Variants in TBCK observed in about 807,000 individuals in gnomAD.
TBCK encodes TBC domain-containing protein kinase-like protein.
Under a neutral mutation model 113.4 loss-of-function variants are expected in TBCK, and 99 were observed. The ratio of observed to expected loss-of-function variants is 0.87; its 90% CI spans 0.74 to 1.03. TBCK has a LOEUF of 1.03. TBCK is among the 50% of genes least tolerant of loss of function. The pLI, the probability that TBCK is intolerant of heterozygous loss-of-function variation, is 0.00. For synonymous variants in TBCK, 369 were observed against 370.8 expected (o/e 1.00, Z 0.05); for missense variants, 1,045 against 1,061.3 (o/e 0.98, Z 0.21).
chr4:106,172,084 G>A (rs977064201), intron 22 of TBCK, among the ~76,000 whole-genome samples: 5 of 152,078 alleles, frequency 3.3e-5, no homozygotes, highest in Non-Finnish European at 5.9e-5. Flanking sequence ...CACCTGCCTC[G>A]GCCTCCCAAA....
chr4:106,180,334 T>C lies in TBCK; in HGVS notation c.2060-9064A>G, dbSNP rs545961813. Among the ~76,000 whole-genome samples the C allele has an allele frequency of 2.3e-3, 353 of 152,212 alleles. 1 individual carries two copies. The highest frequency in any genetic ancestry group is 8.1e-3 in the African/African-American group (338 of 41,558). Reference sequence around the variant, plus strand: ...GACACTTTCTTCCTTTTATCCTCTCTTAAAGTCTTCCTTTGTGGTTAGGTG... The same window carrying C: ...GACACTTTCTTCCTTTTATCCTCTCCTAAAGTCTTCCTTTGTGGTTAGGTG... On this transcript the variant is annotated intron_variant, in intron 22 of 25. Transcript: ENST00000394708.
Position 106,212,704 on chromosome 4 carries a change from CT to C in TBCK, c.1860+45del, listed in dbSNP as rs368657242. The C allele has an allele frequency of 0.1, 94,714 of 951,172 alleles. 115 individuals carry two copies. Among genetic ancestry groups the C allele is most frequent in the South Asian group, 0.14 (7,366 of 51,546 alleles). The allele number at this position is 951,172 out of a possible 1,614,324, so 58.9% of individuals were successfully genotyped here. On this transcript the variant is annotated intron_variant, in intron 20 of 25. Transcript: ENST00000394708. ...CACTCTTCTGTGCTAATAATTTCTG[CT>C]TTTTTTTTTTAACCACATGTTCTAT...
intron 2 of TBCK, among the ~76,000 whole-genome samples, chr4:106,304,521 A>C (rs72878548): frequency 0.027 from 4,098 of 152,316 alleles, 179 homozygotes; most frequent in African/African-American, 0.094. Context: ...CTGCCTCATT[A>C]TAAAAATAAT....
At chr4:106,124,232 C>T (rs1290292784) in intron 23 of TBCK, among the ~76,000 whole-genome samples, 2 of 152,094 alleles carry the variant, frequency 1.3e-5, no homozygotes, top group Admixed American at 1.3e-4. Flanking sequence ...TTTATGCAGC[C>T]AAAAAACACA....
intron 15 of TBCK, 72 bp from the exon 16 acceptor site, chr4:106,233,722 T>C (rs1759139444): frequency 8.1e-7 from 1 of 1,240,740 alleles, no homozygotes; most frequent in East Asian, 2.6e-5. Context: ...AGAAATCTAT[T>C]TTTTACAAAT....
chr4:106,171,119 A>G lies in TBCK; in HGVS notation c.2211T>C (p.Cys737=). 6.2e-7 allele frequency: 1 copy of G among 1,610,730 alleles called. No homozygotes were observed. Among genetic ancestry groups the G allele is most frequent in the South Asian group, 1.1e-5 (1 of 90,542 alleles). The stretch of plus-strand genomic sequence containing the variant: ...CCAGATCTGTCTTTGGAGGATCTGG[A>G]CACTCAGCAGAGAAATAAGGTGCCG... ...RSSAPYFSAE[C]PDPPKTDLSR... The change falls in exon 23 of 26, where the codon TGT becomes TGC. Residue 737 remains cysteine, a synonymous_variant. Coordinates refer to ENST00000394708, the MANE Select transcript of TBCK (RefSeq NM_001163435.3).
chr4:106,226,206 A>G (rs945276987), intron 19 of TBCK, among the ~76,000 whole-genome samples: 2 of 152,162 alleles, frequency 1.3e-5, no homozygotes, highest in African/African-American at 4.8e-5. Context: ...AAGTGTGGAA[A>G]TTTGTCTTTT....
Position 106,145,884 on chromosome 4 carries a change from A to T in TBCK, c.2235+25211T>A, listed in dbSNP as rs368643491. Reference sequence around the variant, plus strand: ...CCAGTCAGAATGGCGATTACTAAAAAGTCAAAAAAACAGATGCTGGCAAGG... The same window carrying T: ...CCAGTCAGAATGGCGATTACTAAAATGTCAAAAAAACAGATGCTGGCAAGG... On this transcript the variant is annotated intron_variant, in intron 23 of 25. Transcript: ENST00000394708. 2.0e-5 allele frequency among the ~76,000 whole-genome samples: 3 copies of T among 152,190 alleles called. No individual in the cohort carries two copies. In the East Asian group the frequency reaches 5.8e-4, roughly 29 times the overall value.
At chr4:106,067,762 T>C (rs1056500997) in intron 25 of TBCK, among the ~76,000 whole-genome samples, 1 of 152,190 alleles carries the variant, frequency 6.6e-6, no homozygotes, top group Non-Finnish European at 1.5e-5. Context: ...CTTTTCTCAC[T>C]AAATGGTCTT....
chr4:106,116,338 A>G lies in TBCK; in HGVS notation c.2276T>C (p.Val759Ala). Residue 759 changes from valine to alanine, a missense_variant, in exon 24 of 26, where the codon GTA becomes GCA. By Grantham distance (64) the Val-to-Ala change is moderately conservative. Transcript: ENST00000394708. ...SIPLNDLKSE[V>A]SPRISAEDLI... ...GTCCTCTGCTGAAATCCGTGGTGATACTTCTGACTTCAGGTCATTTAATGG... is the reference window on the plus strand; with the variant it reads ...GTCCTCTGCTGAAATCCGTGGTGATGCTTCTGACTTCAGGTCATTTAATGG... 6.2e-7 allele frequency: 1 copy of G among 1,613,966 alleles called. No individual in the cohort carries two copies. Among genetic ancestry groups the G allele is most frequent in the Non-Finnish European group, 8.5e-7 (1 of 1,179,978 alleles).
intron 23 of TBCK, among the ~76,000 whole-genome samples, chr4:106,146,295 G>A (rs1474396148): frequency 1.3e-5 from 2 of 152,136 alleles, no homozygotes; most frequent in Non-Finnish European, 2.9e-5. Context: ...GTCTTTTATG[G>A]GAACATGGAT....
At chr4:106,204,751 ATTTTTTTT>A (rs34775295) in intron 20 of TBCK, among the ~76,000 whole-genome samples, 3 of 87,282 alleles carry the variant, frequency 3.4e-5, no homozygotes, top group South Asian at 4.3e-4. Flanking sequence ...ACAAACAATG[ATTTTTTTT>A]TTTTTTTTTT....
At chr4:106,162,589 C>T (rs12646263) in intron 23 of TBCK, among the ~76,000 whole-genome samples, 21,492 of 152,120 alleles carry the variant, frequency 0.14, 1,716 homozygotes, top group South Asian at 0.25. Context: ...ATACATCCTC[C>T]GAAATCTAGG....
intron 11 of TBCK, 90 bp downstream of exon 11, chr4:106,244,536 A>T: frequency 8.5e-7 from 1 of 1,173,880 alleles, no homozygotes; most frequent in Non-Finnish European, 1.1e-6. Flanking sequence ...TTTAAAAAAA[A>T]AAAACACCGA....
chr4:106,131,485 T>A (rs1391335421), intron 23 of TBCK, among the ~76,000 whole-genome samples: 1 of 152,170 alleles, frequency 6.6e-6, no homozygotes, highest in Non-Finnish European at 1.5e-5. Flanking sequence ...TGGTGGCGCA[T>A]GCCTGTAATC....
chr4:106,215,866 C>A (rs1316854342), intron 19 of TBCK, among the ~76,000 whole-genome samples: 5 of 151,636 alleles, frequency 3.3e-5, no homozygotes, highest in Admixed American at 2.0e-4. Context: ...CCAAGCGGAC[C>A]CAATAGACAT....
At chr4:106,111,818 T>A (rs1742894157) in intron 24 of TBCK, among the ~76,000 whole-genome samples, 1 of 152,162 alleles carries the variant, frequency 6.6e-6, no homozygotes, top group Admixed American at 6.6e-5. Flanking sequence ...ACTAGCAACT[T>A]ACATACCTTA....
chr4:106,214,039 C>A (rs1206149876), intron 19 of TBCK, among the ~76,000 whole-genome samples: 1 of 152,140 alleles, frequency 6.6e-6, no homozygotes, highest in South Asian at 2.1e-4. Context: ...GCAGACTGCC[C>A]CCTCAAGTGG....
intron 22 of TBCK, among the ~76,000 whole-genome samples, chr4:106,190,391 T>C (rs1249155104): frequency 1.3e-5 from 2 of 152,230 alleles, no homozygotes; most frequent in South Asian, 2.1e-4. Flanking sequence ...GGAAAAGTTA[T>C]AGTAGTCAAC....
Sources: allele counts gnomAD v4.1 joint callset (sites outside exome capture counted in the v4.1 genomes callset), GRCh38; gene constraint gnomAD v4.1.1; transcripts MANE v1.5; gene names NCBI Gene and HGNC (gene_info 2026-07-23, HGNC 2026-07-21).